The following RPRD2 variants were observed in gnomAD, a reference collection of about 807,000 sequenced individuals.
The protein encoded by RPRD2 is regulation of nuclear pre-mRNA domain containing 2, also known as regulation of nuclear pre-mRNA domain-containing protein 2.
In RPRD2, 12 loss-of-function variants were observed where a neutral mutation model predicts 104.4. That is an observed-to-expected ratio of 0.11 (90% CI 0.07 to 0.19). The LOEUF is 0.19. Among genes scored for constraint, RPRD2 ranks in the 10% least tolerant of loss-of-function variants. The pLI, the probability that RPRD2 is intolerant of heterozygous loss-of-function variation, is 1.00. For synonymous variants in RPRD2, 714 were observed against 684.9 expected (o/e 1.04, Z -0.66); for missense variants, 1,543 against 1,790.1 (o/e 0.86, Z 2.49).
At chr1:150,371,868 A>G (rs1160872071) in intron 1 of RPRD2, among the ~76,000 whole-genome samples, 1 of 152,184 alleles carries the variant, frequency 6.6e-6, no homozygotes, top group Non-Finnish European at 1.5e-5. Flanking sequence ...GATTTAGACT[A>G]TATAGATTAA....
chr1:150,371,914 GT>G (rs1234005157), intron 1 of RPRD2, among the ~76,000 whole-genome samples: 1 of 151,458 alleles, frequency 6.6e-6, no homozygotes, highest in Admixed American at 6.6e-5. Flanking sequence ...TGTGTTTTTT[GT>G]TTTTTTCCCC....
At chr1:150,462,513 G>A (rs1339337105) in intron 9 of RPRD2, among the ~76,000 whole-genome samples, 4 of 151,524 alleles carry the variant, frequency 2.6e-5, no homozygotes, top group Admixed American at 2.0e-4. Flanking sequence ...CCTTTGCAAG[G>A]GTTAAGTATA....
In RPRD2 at chr1:150,474,867, A is replaced by G. The variant is rs999788289; in HGVS notation, c.*1533A>G. On this transcript the variant is annotated 3_prime_UTR_variant, in exon 11 of 11. Transcript: ENST00000369068. ...GTATGGGGTTGCTTTTTCCTCCAGT[A>G]GAATATTAAAGATGGGGGAGGGTGG... 3 of 152,166 alleles carry G rather than the reference A, an allele frequency of 2.0e-5. No individual in the cohort carries two copies. The highest frequency in any genetic ancestry group is 6.6e-5 in the Admixed American group (1 of 15,266). The allele number at this position is 152,166 out of a possible 1,614,324, so 9.4% of individuals were successfully genotyped here. A position where few individuals can be genotyped will look rare whatever the true frequency, so the allele number is the denominator to read the frequency against.
chr1:150,400,877 T>C (rs1445425712), intron 1 of RPRD2, among the ~76,000 whole-genome samples: 2 of 152,026 alleles, frequency 1.3e-5, no homozygotes, highest in Admixed American at 1.3e-4. Context: ...CATAGTACTT[T>C]TTTTTTTTAA....
intron 6 of RPRD2, among the ~76,000 whole-genome samples, chr1:150,445,912 CA>C (rs1666732968): frequency 1.3e-5 from 2 of 151,884 alleles, no homozygotes; most frequent in African/African-American, 4.8e-5. Flanking sequence ...GCTAAAAATA[CA>C]AAAAATTAGC....
chr1:150,394,994 T>C (rs1460875518), intron 1 of RPRD2, among the ~76,000 whole-genome samples: 2 of 152,230 alleles, frequency 1.3e-5, no homozygotes, highest in Non-Finnish European at 2.9e-5. Flanking sequence ...ATAATTCTTT[T>C]TTTTAAATTA....
intron 1 of RPRD2, among the ~76,000 whole-genome samples, chr1:150,387,566 CCTTTTTTTTTTTTTTTTTTTTTT>C (rs1248806575): frequency 2.9e-4 from 20 of 70,116 alleles, no homozygotes; most frequent in East Asian, 5.7e-4. Flanking sequence ...TTGCAACAGA[CCTTTTTTTTTTTTTTTTTTTTTT>C]TTTTTTTTTT....
At chr1:150,406,594 T>TAAAC (rs1663496079) in intron 1 of RPRD2, among the ~76,000 whole-genome samples, 3 of 152,194 alleles carry the variant, frequency 2.0e-5, no homozygotes, top group Admixed American at 6.5e-5. Context: ...AGATGGGGTT[T>TAAAC]CACCATGTTA....
chr1:150,377,743 A>ACT (rs1660830242), intron 1 of RPRD2, among the ~76,000 whole-genome samples: 2 of 152,192 alleles, frequency 1.3e-5, no homozygotes, highest in Non-Finnish European at 2.9e-5. Context: ...CTTATTGTTT[A>ACT]CTGAGGATCC....
chr1:150,401,135 C>G (rs1446007264), intron 1 of RPRD2, among the ~76,000 whole-genome samples: 1 of 151,968 alleles, frequency 6.6e-6, no homozygotes, highest in African/African-American at 2.4e-5. Context: ...CGAGATCACG[C>G]CACTGCACTC....
At position 150,469,270 on chromosome 1, in the gene RPRD2, A is replaced by T. The variant is rs76170286; in HGVS notation, c.1613-1291A>T. 7.2e-3 allele frequency among the ~76,000 whole-genome samples: 1,089 copies of T among 152,274 alleles called. 39 individuals are homozygous for T. Among genetic ancestry groups the T allele is most frequent in the Admixed American group, 0.056 (859 of 15,298 alleles). ...AATTTGGGTGAAATGTATATTAAAAATTTTTTTAATTAATTTATTTTTAAA... is the reference window on the plus strand; with the variant it reads ...AATTTGGGTGAAATGTATATTAAAATTTTTTTTAATTAATTTATTTTTAAA... On this transcript the variant is annotated intron_variant, in intron 10 of 10. Coordinates refer to ENST00000369068, the MANE Select transcript of RPRD2 (RefSeq NM_015203.5).
rs779519874 is a variant in RPRD2, at chr1:150,472,208, C to T, written c.3260C>T (p.Thr1087Ile). 6.2e-7 allele frequency: 1 copy of T among 1,613,888 alleles called. No homozygotes were observed. The highest frequency in any genetic ancestry group is 1.1e-5 in the South Asian group (1 of 91,076). Residue 1087 changes from threonine to isoleucine, a missense_variant, in exon 11 of 11, where the codon ACC (threonine) becomes ATC (isoleucine). Transcript: ENST00000369068. The part of the protein sequence containing the change: ...STEEKGAPIE[T>I]LGYHSASNRR... ...GAAGAAAAGGGGGCCCCTATAGAAACCTTGGGTTATCACAGTGCATCCAAT... is the reference window on the plus strand; with the variant it reads ...GAAGAAAAGGGGGCCCCTATAGAAATCTTGGGTTATCACAGTGCATCCAAT...
At chr1:150,380,046 T>A (rs982144225) in intron 1 of RPRD2, among the ~76,000 whole-genome samples, 1 of 152,206 alleles carries the variant, frequency 6.6e-6, no homozygotes, top group Admixed American at 6.5e-5. Flanking sequence ...TATCAACCAG[T>A]TAATTTTTAT....
chr1:150,403,883 C>T (rs782368677), intron 1 of RPRD2, among the ~76,000 whole-genome samples: 1 of 152,180 alleles, frequency 6.6e-6, no homozygotes, highest in Non-Finnish European at 1.5e-5. Flanking sequence ...TTCCACCCAC[C>T]TCGGCCTCCC....
chr1:150,384,249 G>C (rs1051086326), intron 1 of RPRD2, among the ~76,000 whole-genome samples: 1 of 151,960 alleles, frequency 6.6e-6, no homozygotes, highest in South Asian at 2.1e-4. Flanking sequence ...GCAGAGCAGG[G>C]AGTACCAATT....
At chr1:150,371,537 T>G (rs1323665064) in intron 1 of RPRD2, among the ~76,000 whole-genome samples, 2 of 152,148 alleles carry the variant, frequency 1.3e-5, no homozygotes, top group African/African-American at 4.8e-5. Flanking sequence ...GGCTGGCTAA[T>G]TTTTTGCATT....
rs1667600008 is a variant in RPRD2, at chr1:150,457,273, T to C, written c.871-15T>C. 1 of 1,599,346 alleles carries C rather than the reference T, an allele frequency of 6.3e-7. No homozygotes were observed. The highest frequency in any genetic ancestry group is 8.5e-7 in the Non-Finnish European group (1 of 1,173,882). ...GGTCTTTTTCCAAGGAGTAAACTCC[T>C]TTTTTCTCTTTTAGGCATATAAAAC... On this transcript the variant is annotated splice_polypyrimidine_tract_variant and intron_variant, in intron 7 of 10. Transcript: ENST00000369068.
chr1:150,373,554 T>TTTTTTTTTTG (rs1660481918), intron 1 of RPRD2, among the ~76,000 whole-genome samples: 3 of 148,834 alleles, frequency 2.0e-5, no homozygotes, highest in East Asian at 2.0e-4. Flanking sequence ...TTTTTTTTTT[T>TTTTTTTTTTG]AGCTTGAGCA....
chr1:150,424,506 T>C (rs1553890248), intron 2 of RPRD2, among the ~76,000 whole-genome samples: 2 of 152,092 alleles, frequency 1.3e-5, no homozygotes, highest in Non-Finnish European at 2.9e-5. Context: ...CAGGCTGGTC[T>C]TGAACTCCTG....
Sources: allele counts gnomAD v4.1 joint callset (sites outside exome capture counted in the v4.1 genomes callset), GRCh38; gene constraint gnomAD v4.1.1; transcripts MANE v1.5; gene names NCBI Gene and HGNC (gene_info 2026-07-23, HGNC 2026-07-21).